USP25: variants seen among roughly 807,000 people sequenced by gnomAD.
USP25 encodes ubiquitin carboxyl-terminal hydrolase 25.
USP25 carries 85 observed loss-of-function variants against 158.5 expected under a neutral mutation model. That is an observed-to-expected ratio of 0.54 (90% CI 0.45 to 0.64). The LOEUF is 0.64. USP25 is among the 30% of genes least tolerant of loss of function. The pLI, the probability that USP25 is intolerant of heterozygous loss-of-function variation, is 0.00. For missense variants in USP25, 1,242 were observed against 1,327.3 expected (o/e 0.94, Z 1.00); for synonymous variants, 464 against 460.4 (o/e 1.01, Z -0.10).
chr21:15,817,612 C>G (rs2037008047), intron 9 of USP25, among the ~76,000 whole-genome samples: 2 of 151,976 alleles, frequency 1.3e-5, no homozygotes, highest in African/African-American at 4.8e-5. Flanking sequence ...CTGGGGAGGC[C>G]TAACAATCAT....
intron 22 of USP25, among the ~76,000 whole-genome samples, chr21:15,867,045 G>A (rs1281968950): frequency 6.6e-6 from 1 of 152,146 alleles, no homozygotes; most frequent in Non-Finnish European, 1.5e-5. Flanking sequence ...TCATGAGACA[G>A]TGTTGTGTGT....
chr21:15,878,482 C>T lies in USP25; in HGVS notation c.*7C>T. 6.2e-7 allele frequency: 1 copy of T among 1,613,802 alleles called. No homozygotes were observed. Among genetic ancestry groups the T allele is most frequent in the African/African-American group, 1.3e-5 (1 of 75,044 alleles). ...TCCTGCTGATGGAAGATAAACTGCA[C>T]ACTTTCCCTGAACACACTGTATAAA... On this transcript the variant is annotated 3_prime_UTR_variant, in exon 26 of 26. Coordinates refer to ENST00000400183, the MANE Select transcript of USP25 (RefSeq NM_001283041.3).
chr21:15,860,107 G>A (rs551288495), intron 20 of USP25, among the ~76,000 whole-genome samples: 39 of 150,666 alleles, frequency 2.6e-4, no homozygotes, highest in African/African-American at 9.0e-4. Context: ...TCCTGCCTCA[G>A]CTCCCAAGCA....
intron 3 of USP25, among the ~76,000 whole-genome samples, chr21:15,771,186 A>C (rs535629032): frequency 7.0e-4 from 106 of 152,344 alleles, no homozygotes; most frequent in African/African-American, 2.5e-3. Context: ...GTAAACAAAC[A>C]GTATCAGATA....
intron 1 of USP25, among the ~76,000 whole-genome samples, chr21:15,750,346 C>T (rs1017463193): frequency 6.7e-6 from 1 of 150,338 alleles, no homozygotes; most frequent in East Asian, 2.0e-4. Flanking sequence ...ATTCTTCTGT[C>T]AGCCTCCTGA....
intron 1 of USP25, among the ~76,000 whole-genome samples, chr21:15,761,096 C>T (rs984961384): frequency 1.9e-4 from 29 of 152,084 alleles, no homozygotes; most frequent in African/African-American, 6.5e-4. Context: ...TCACAGTGTC[C>T]TTCAGTTTGG....
chr21:15,825,543 C>G (rs1184316420), intron 12 of USP25, among the ~76,000 whole-genome samples: 1 of 152,098 alleles, frequency 6.6e-6, no homozygotes. Context: ...CCATTCCATA[C>G]CAGTGGATGG....
intron 20 of USP25, among the ~76,000 whole-genome samples, chr21:15,854,703 G>T (rs1392888069): frequency 1.3e-5 from 2 of 152,144 alleles, no homozygotes; most frequent in African/African-American, 4.8e-5. Flanking sequence ...AAGTGGACTT[G>T]CTAAAGTTTA....
chr21:15,838,117 A>C (rs1160632423), intron 17 of USP25, among the ~76,000 whole-genome samples: 1 of 151,692 alleles, frequency 6.6e-6, no homozygotes, highest in Admixed American at 6.6e-5. Flanking sequence ...TAGTAGAGAC[A>C]AGGCTTCACC....
At chr21:15,803,633 T>A (rs774979649) in intron 6 of USP25, among the ~76,000 whole-genome samples, 22 of 151,846 alleles carry the variant, frequency 1.4e-4, no homozygotes, top group Non-Finnish European at 2.8e-4. Flanking sequence ...TTCCACTAAT[T>A]TCCAAAAATT....
intron 1 of USP25, among the ~76,000 whole-genome samples, chr21:15,745,433 A>G (rs1045588393): frequency 7.0e-6 from 1 of 142,320 alleles, no homozygotes; most frequent in Non-Finnish European, 1.6e-5. Flanking sequence ...ATTTACTTTT[A>G]TGGTTAGTAC....
At chr21:15,859,412 G>T (rs939976820) in intron 20 of USP25, among the ~76,000 whole-genome samples, 12 of 152,018 alleles carry the variant, frequency 7.9e-5, no homozygotes, top group Non-Finnish European at 7.4e-5. Flanking sequence ...AGCCAGGGTG[G>T]TCTCAATCTT....
intron 20 of USP25, among the ~76,000 whole-genome samples, chr21:15,859,979 A>G (rs1367602252): frequency 7.0e-6 from 1 of 143,346 alleles, no homozygotes; most frequent in African/African-American, 2.6e-5. Flanking sequence ...GTATATATAT[A>G]TATATATCTA....
At chr21:15,734,873 T>C (rs531187316) in intron 1 of USP25, among the ~76,000 whole-genome samples, 2 of 152,312 alleles carry the variant, frequency 1.3e-5, no homozygotes, top group East Asian at 1.9e-4. Context: ...ACATACGATA[T>C]ATGAATATTT....
chr21:15,815,591 G>T (rs1703469498), intron 9 of USP25, among the ~76,000 whole-genome samples: 2 of 152,190 alleles, frequency 1.3e-5, no homozygotes, highest in South Asian at 4.1e-4. Flanking sequence ...CATCCAAGGA[G>T]AGCATTTCAG....
intron 3 of USP25, among the ~76,000 whole-genome samples, chr21:15,776,540 T>C (rs192725949): frequency 1.3e-5 from 2 of 152,004 alleles, no homozygotes; most frequent in East Asian, 3.9e-4. Context: ...TATGGTAAAA[T>C]AAAGCCACCT....
At chr21:15,832,897 AG>A (rs2037877991) in intron 16 of USP25, among the ~76,000 whole-genome samples, 1 of 152,104 alleles carries the variant, frequency 6.6e-6, no homozygotes. Flanking sequence ...GGGCACCTGT[AG>A]TCTCAGCTAC....
chr21:15,782,335 C>A (rs1031424944), intron 4 of USP25, among the ~76,000 whole-genome samples: 1 of 152,188 alleles, frequency 6.6e-6, no homozygotes. Context: ...TGCACAGCTG[C>A]CGGGCCACAA....
At chr21:15,832,370 A>G (rs1015047196) in intron 16 of USP25, among the ~76,000 whole-genome samples, 7 of 152,210 alleles carry the variant, frequency 4.6e-5, no homozygotes, top group Non-Finnish European at 1.0e-4. Context: ...ATAAAGGTTT[A>G]TTGAAACTGA....
Sources: gnomAD v4.1 joint callset for allele counts (sites outside exome capture counted in the v4.1 genomes callset) on GRCh38, gnomAD v4.1.1 for gene constraint, MANE v1.5 for transcripts, NCBI Gene and HGNC (gene_info 2026-07-23, HGNC 2026-07-21) for gene names.